The following NDEL1 variants were observed in gnomAD, a reference collection of about 807,000 sequenced individuals.
The protein encoded by NDEL1 is nuclear distribution protein nudE-like 1.
A neutral mutation model predicts 45.7 loss-of-function variants in NDEL1; 9 were observed. The observed-to-expected ratio is 0.20, with a 90% CI of 0.12 to 0.34. NDEL1 has a LOEUF of 0.34. Among genes scored for constraint, NDEL1 ranks in the 10% least tolerant of loss-of-function variants. NDEL1 has a pLI of 1.00. For missense variants in NDEL1, 306 were observed against 406.2 expected, an observed-to-expected ratio of 0.75 and a Z score of 2.12; for synonymous variants, 133 against 158.6, an observed-to-expected ratio of 0.84 and a Z score of 1.21.
At chr17:8,424,488 T>G (rs1976345) in intron 1 of NDEL1, among the ~76,000 whole-genome samples, 47,366 of 152,052 alleles carry the variant, frequency 0.31, 8,228 homozygotes, top group Middle Eastern at 0.41. Context: ...TGTTTTTTGT[T>G]TTGTTTTGTT....
At chr17:8,453,263 T>C (rs1910634169) in intron 6 of NDEL1, among the ~76,000 whole-genome samples, 1 of 152,116 alleles carries the variant, frequency 6.6e-6, no homozygotes, top group African/African-American at 2.4e-5. Context: ...TTCAATGAGA[T>C]TATATTCTTG....
intron 5 of NDEL1, 95 bp downstream of exon 5, chr17:8,448,781 A>C: frequency 2.4e-6 from 3 of 1,237,260 alleles, no homozygotes; most frequent in Non-Finnish European, 3.3e-6. Flanking sequence ...TTTCAACCAA[A>C]TGTGGATTGA....
chr17:8,437,536 A>G (rs1206779396), intron 1 of NDEL1, among the ~76,000 whole-genome samples: 2 of 152,190 alleles, frequency 1.3e-5, no homozygotes, highest in Non-Finnish European at 2.9e-5. Flanking sequence ...GTTTCTGAGC[A>G]CTCCATAAAG....
intron 1 of NDEL1, among the ~76,000 whole-genome samples, chr17:8,424,675 T>A (rs1908784214): frequency 6.6e-6 from 1 of 152,154 alleles, no homozygotes; most frequent in African/African-American, 2.4e-5. Flanking sequence ...CTAATTTTTT[T>A]TTGTATTTTT....
At chr17:8,438,411 C>T (rs566699873) in intron 1 of NDEL1, among the ~76,000 whole-genome samples, 6 of 152,348 alleles carry the variant, frequency 3.9e-5, no homozygotes, top group African/African-American at 1.4e-4. Flanking sequence ...CACATCCTCC[C>T]AGTGTAACTT....
At chr17:8,443,188 A>G (rs1457006826) in intron 1 of NDEL1, among the ~76,000 whole-genome samples, 2 of 152,210 alleles carry the variant, frequency 1.3e-5, no homozygotes, top group Non-Finnish European at 2.9e-5. Context: ...ACTATTGTGC[A>G]GGCATTGGGC....
intron 6 of NDEL1, among the ~76,000 whole-genome samples, chr17:8,452,740 C>CTTTTTTTTTTTTTTTTTT: frequency 4.2e-5 from 4 of 95,622 alleles, no homozygotes; most frequent in East Asian, 3.0e-4. Flanking sequence ...TTTTTCTTCT[C>CTTTTTTTTTTTTTTTTTT]TTTTTTTTTT....
intron 1 of NDEL1, among the ~76,000 whole-genome samples, chr17:8,426,340 T>C (rs1597513759): frequency 6.6e-6 from 1 of 152,324 alleles, no homozygotes; most frequent in Non-Finnish European, 1.5e-5. Context: ...CTTAGACTGG[T>C]AAGAAACACT....
chr17:8,417,111 C>A (rs76618591), intron 1 of NDEL1, among the ~76,000 whole-genome samples: 1 of 151,784 alleles, frequency 6.6e-6, no homozygotes, highest in Non-Finnish European at 1.5e-5. Flanking sequence ...TTCTTTTTTT[C>A]TTTTTTATTT....
intron 3 of NDEL1, 47 bp from the exon 4 acceptor site, chr17:8,446,707 A>T: frequency 6.3e-7 from 1 of 1,586,818 alleles, no homozygotes; most frequent in Non-Finnish European, 8.6e-7. Flanking sequence ...TTTAGTAAAG[A>T]GAACTGTATA....
intron 1 of NDEL1, among the ~76,000 whole-genome samples, chr17:8,416,125 A>G (rs1908541820): frequency 6.6e-6 from 1 of 152,060 alleles, no homozygotes; most frequent in African/African-American, 2.4e-5. Flanking sequence ...ACCACCACCC[A>G]TCTCCAGAAC....
In NDEL1 at chr17:8,450,748, G is replaced by T. The variant is rs755787496; in HGVS notation, c.527-32G>T. 1.8e-5 allele frequency: 29 copies of T among 1,586,432 alleles called. 1 individual carries two copies. Among genetic ancestry groups the T allele is most frequent in the Non-Finnish European group, 1.7e-6 (2 of 1,169,380 alleles). On this transcript the variant is annotated intron_variant, in intron 5 of 8. Coordinates refer to ENST00000334527, the MANE Select transcript of NDEL1 (RefSeq NM_030808.5). ...TTGATATATTTGCTCCCTCTAGTGA[G>T]TATTCCTGCCCTTGTTTGCAATATT...
intron 1 of NDEL1, among the ~76,000 whole-genome samples, chr17:8,438,259 TA>T (rs982469034): frequency 6.6e-6 from 1 of 152,166 alleles, no homozygotes; most frequent in African/African-American, 2.4e-5. Context: ...GCCCTGCCAA[TA>T]ATACATAATT....
chr17:8,473,116 G>A (rs1016554538), downstream of NDEL1, among the ~76,000 whole-genome samples: 1 of 152,158 alleles, frequency 6.6e-6, no homozygotes, highest in African/African-American at 2.4e-5. Context: ...CACACAGATT[G>A]TTTCTCCTGG....
At chr17:8,450,128 CA>C (rs910157013) in intron 5 of NDEL1, among the ~76,000 whole-genome samples, 82 of 144,616 alleles carry the variant, frequency 5.7e-4, no homozygotes, top group Non-Finnish European at 1.0e-3. Context: ...ACTAAAAATT[CA>C]AAAAAAAAAA....
At position 8,444,320 on chromosome 17, in the gene NDEL1, G is replaced by A. The variant is rs763173477; in HGVS notation, c.49G>A (p.Ala17Thr). The change falls in exon 2 of 9, where the codon GCT becomes ACT. Residue 17 changes from alanine (A) to threonine (T), a missense_variant. Ala to Thr is a moderately conservative substitution (Grantham distance 58). Transcript: ENST00000334527. ...TTTTTCAAGTTTAAAGGAGGAAACT[G>A]CTTATTGGAAGGAACTTTCCTTGAA... ...PDFSSLKEET[A>T]YWKELSLKYK... 7 of 1,613,496 alleles carry A rather than the reference G, an allele frequency of 4.3e-6. No homozygotes were observed. The Admixed American group carries it at 1.0e-4, about 23-fold the overall frequency.
chr17:8,436,570 C>G (rs1909358215), intron 1 of NDEL1: 1 of 152,318 alleles, frequency 6.6e-6, no homozygotes, highest in Non-Finnish European at 1.5e-5. Flanking sequence ...CTGACTCCCG[C>G]CCGGAACTGC....
intron 8 of NDEL1, chr17:8,466,292 G>GGT (rs1214320142): frequency 6.6e-6 from 1 of 151,560 alleles, no homozygotes; most frequent in African/African-American, 2.4e-5. Flanking sequence ...CATATATGTT[G>GGT]GTGTGTGTAT....
chr17:8,434,113 C>G (rs80224623), upstream of NDEL1, among the ~76,000 whole-genome samples: 2 of 152,202 alleles, frequency 1.3e-5, no homozygotes, highest in African/African-American at 4.8e-5. Flanking sequence ...CCTAAAAGCA[C>G]TGAAATTGGA....
Sources: gnomAD v4.1 joint callset for allele counts (sites outside exome capture counted in the v4.1 genomes callset) on GRCh38, gnomAD v4.1.1 for gene constraint, MANE v1.5 for transcripts, NCBI Gene and HGNC (gene_info 2026-07-23, HGNC 2026-07-21) for gene names.